The following NDFIP1 variants were observed in gnomAD, a reference collection of about 807,000 sequenced individuals.
NDFIP1 encodes Nedd4 family interacting protein 1.
NDFIP1 carries 7 observed loss-of-function variants against 28.8 expected under a neutral mutation model. The ratio of observed to expected loss-of-function variants is 0.24; its 90% CI spans 0.14 to 0.46. The LOEUF is 0.46. Ranked by LOEUF, NDFIP1 falls within the 20% of genes least tolerant of loss-of-function variation. NDFIP1 has a pLI of 0.99. For synonymous variants in NDFIP1, 92 were observed against 101.0 expected (o/e 0.91, Z 0.53); for missense variants, 194 against 269.1 (o/e 0.72, Z 1.95).
At chr5:142,125,472 C>T (rs566343620) in intron 1 of NDFIP1, among the ~76,000 whole-genome samples, 1 of 152,274 alleles carries the variant, frequency 6.6e-6, no homozygotes, top group South Asian at 2.1e-4. Flanking sequence ...AAGTGATCCT[C>T]CTGTCTCAGC....
intron 1 of NDFIP1, among the ~76,000 whole-genome samples, chr5:142,129,426 G>A (rs993112598): frequency 2.0e-5 from 3 of 152,084 alleles, no homozygotes; most frequent in African/African-American, 7.2e-5. Context: ...ATTATCTTAG[G>A]TTATAATACA....
chr5:142,149,022 A>G (rs1757419497), intron 7 of NDFIP1, among the ~76,000 whole-genome samples: 1 of 152,068 alleles, frequency 6.6e-6, no homozygotes, highest in South Asian at 2.1e-4. Flanking sequence ...ACTTGTACAT[A>G]TGAAGCATAA....
intron 1 of NDFIP1, among the ~76,000 whole-genome samples, chr5:142,126,291 A>G (rs908668481): frequency 6.6e-6 from 1 of 152,210 alleles, no homozygotes; most frequent in African/African-American, 2.4e-5. Context: ...TTTTAAGGTA[A>G]AAGTTTTAGC....
Position 142,110,254 on chromosome 5 carries a change from TAGATCTCTTC to T in NDFIP1, c.63+1221_63+1230del, listed in dbSNP as rs1373402078. On this transcript the variant is annotated intron_variant, in intron 1 of 7. Transcript: ENST00000253814. ...AAATTGTGGCAATGCAGTTAATCCT[TAGATCTCTTC>T]AGAGCACATGGATCTAGCACATGCT... Among the ~76,000 whole-genome samples the T allele has an allele frequency of 3.3e-5, 5 of 152,342 alleles. No individual in the cohort carries two copies. The East Asian group carries it at 9.6e-4, about 29-fold the overall frequency.
intron 4 of NDFIP1, among the ~76,000 whole-genome samples, chr5:142,137,284 C>G (rs1348979298): frequency 6.6e-6 from 1 of 152,104 alleles, no homozygotes; most frequent in Admixed American, 6.5e-5. Flanking sequence ...CCTCAGCCTC[C>G]CAAGTAGCTG....
At chr5:142,142,268 A>T (rs180873497) in intron 6 of NDFIP1, among the ~76,000 whole-genome samples, 2 of 152,086 alleles carry the variant, frequency 1.3e-5, no homozygotes, top group Non-Finnish European at 2.9e-5. Context: ...AGCATCATGT[A>T]CTCTATGATT....
At chr5:142,144,093 A>C (rs1383366418) in intron 6 of NDFIP1, 1 of 152,318 alleles carries the variant, frequency 6.6e-6, no homozygotes, top group Non-Finnish European at 1.5e-5. Context: ...CCTGACATCT[A>C]GTGGACAACA....
intron 6 of NDFIP1, among the ~76,000 whole-genome samples, chr5:142,142,436 A>T (rs1757341223): frequency 1.3e-5 from 2 of 152,146 alleles, no homozygotes; most frequent in African/African-American, 4.8e-5. Context: ...AGAAAGGCTG[A>T]CCACCCGTGT....
intron 1 of NDFIP1, among the ~76,000 whole-genome samples, chr5:142,123,936 A>G (rs1757145530): frequency 6.6e-6 from 1 of 152,226 alleles, no homozygotes; most frequent in East Asian, 1.9e-4. Context: ...CTGGTTATAA[A>G]TAGTGTAGAT....
rs192438378 is a variant in NDFIP1, at chr5:142,149,982, C to T, written c.*3-1749C>T. Among the ~76,000 whole-genome samples, 884 of 152,212 alleles carry T rather than the reference C, an allele frequency of 5.8e-3. 6 individuals are homozygous for T. The highest frequency in any genetic ancestry group is 0.017 in the Middle Eastern group (5 of 294). ...AGATCACGAGGTCAGGAGATCAAGA[C>T]CATCCTGGCTAACACAGTGAAACCC... On this transcript the variant is annotated intron_variant, in intron 7 of 7. Transcript: ENST00000253814.
At chr5:142,110,932 C>T (rs765477995) in intron 1 of NDFIP1, among the ~76,000 whole-genome samples, 23 of 151,646 alleles carry the variant, frequency 1.5e-4, no homozygotes, top group Non-Finnish European at 2.4e-4. Context: ...CAAAGTGGCT[C>T]AGTAACTTGC....
At chr5:142,132,421 A>T in intron 3 of NDFIP1, 79 bp downstream of exon 3, 1 of 1,520,776 alleles carries the variant, frequency 6.6e-7, no homozygotes, top group Non-Finnish European at 8.9e-7. Context: ...TTGATTCGTT[A>T]CTTATGATTG....
At chr5:142,115,761 A>T (rs1356447402) in intron 1 of NDFIP1, among the ~76,000 whole-genome samples, 2 of 152,184 alleles carry the variant, frequency 1.3e-5, no homozygotes, top group African/African-American at 4.8e-5. Context: ...TCCAGTGGTA[A>T]TTGCTTCTAG....
At chr5:142,144,088 C>A (rs1319661556) in intron 6 of NDFIP1, 1 of 152,110 alleles carries the variant, frequency 6.6e-6, no homozygotes, top group African/African-American at 2.4e-5. Context: ...GGGATCCTGA[C>A]ATCTAGTGGA....
intron 5 of NDFIP1, 119 bp downstream of exon 5, chr5:142,137,977 G>T: frequency 1.5e-6 from 2 of 1,315,418 alleles, no homozygotes; most frequent in Non-Finnish European, 2.0e-6. Flanking sequence ...ATGATTTTTG[G>T]TTTGTCTGTG....
At chr5:142,123,619 A>T (rs1460614693) in intron 1 of NDFIP1, among the ~76,000 whole-genome samples, 4 of 152,316 alleles carry the variant, frequency 2.6e-5, no homozygotes, top group South Asian at 4.1e-4. Flanking sequence ...CGGGGTCTTG[A>T]GAGGTTAAAA....
intron 6 of NDFIP1, chr5:142,142,940 A>AAAT (rs60076432): frequency 5.2e-5 from 2 of 38,158 alleles, no homozygotes; most frequent in Non-Finnish European, 8.8e-5. Context: ...AAAAAAAAAA[A>AAAT]ATATATATAT....
intron 1 of NDFIP1, 48 bp from the exon 2 acceptor site, chr5:142,131,760 T>C (rs1470327679): frequency 7.0e-7 from 1 of 1,437,876 alleles, no homozygotes; most frequent in Non-Finnish European, 9.3e-7. Context: ...GGTTCTTATC[T>C]TTCTAATTGG....
chr5:142,120,036 A>G (rs753594541), intron 1 of NDFIP1, among the ~76,000 whole-genome samples: 1 of 152,150 alleles, frequency 6.6e-6, no homozygotes, highest in African/African-American at 2.4e-5. Flanking sequence ...GCTCACTGCA[A>G]TCTCTGCCTC....
Sources: allele counts gnomAD v4.1 joint callset (sites outside exome capture counted in the v4.1 genomes callset), GRCh38; gene constraint gnomAD v4.1.1; transcripts MANE v1.5; gene names NCBI Gene and HGNC (gene_info 2026-07-23, HGNC 2026-07-21).